The following KIF1B variants were observed in gnomAD, a reference collection of about 807,000 sequenced individuals.
The protein encoded by KIF1B is kinesin family member 1B.
Under a neutral mutation model 241.9 loss-of-function variants are expected in KIF1B, and 76 were observed. That is an observed-to-expected ratio of 0.31 (90% CI 0.26 to 0.38). The LOEUF is 0.38. KIF1B is among the 10% of genes least tolerant of loss of function. KIF1B has a pLI of 1.00. For synonymous variants in KIF1B, 750 were observed against 796.7 expected (o/e 0.94, Z 0.99); for missense variants, 1,622 against 2,271.4 (o/e 0.71, Z 5.81).
chr1:10,295,190 A>G (rs1196673532), intron 18 of KIF1B, 25 bp downstream of exon 18: 2 of 1,388,354 alleles, frequency 1.4e-6, no homozygotes, highest in East Asian at 2.3e-5. Flanking sequence ...TGTTTTGGTC[A>G]CTTCGTGTGT....
In KIF1B at chr1:10,347,775, T is replaced by C. The variant is rs756516917; in HGVS notation, c.3812T>C (p.Val1271Ala). The part of the protein sequence containing the change: ...LEPTGEYIPA[V>A]VDHTAGLPCQ... ...CTATTTTTTAGGTATATCCCAGCTG[T>C]GGTTGACCACACAGCAGGCTTGCCT... The change falls in exon 36 of 49, where the codon GTG becomes GCG. Residue 1271 changes from valine to alanine, a missense_variant. Physicochemically the swap from Val to Ala is moderately conservative, Grantham distance 64 (BLOSUM62 0). Around this residue, in one of 7 missense-constraint regions of KIF1B, gnomAD observed 803 missense variants for 1,112.0 expected, o/e 0.72. Transcript: ENST00000676179. 6 of 1,613,262 alleles carry C rather than the reference T, an allele frequency of 3.7e-6. No individual in the cohort carries two copies. In the South Asian group the frequency reaches 6.6e-5, roughly 18 times the overall value.
chr1:10,239,013 A>G (rs938136619), intron 2 of KIF1B, among the ~76,000 whole-genome samples: 1 of 151,748 alleles, frequency 6.6e-6, no homozygotes, highest in Admixed American at 6.6e-5. Flanking sequence ...CCGTGGTGCA[A>G]TCTTGGCTCA....
chr1:10,376,421 A>G, intron 48 of KIF1B, 124 bp from the exon 49 acceptor site: 1 of 910,984 alleles, frequency 1.1e-6, no homozygotes. Context: ...GACGGCTTAG[A>G]GGACTAGGCC....
chr1:10,336,472 C>G lies in KIF1B; in HGVS notation c.3044-185C>G, dbSNP rs1288086645. On this transcript the variant is annotated intron_variant, in intron 28 of 48. Coordinates refer to ENST00000676179, the MANE Select transcript of KIF1B (RefSeq NM_001365951.3). ...TGAAACCGATTCTTTATTGACTAGT[C>G]TCATTTGAGCTGAGGAAGTTGATAA... is the stretch of plus-strand genomic sequence containing the variant. Among the ~76,000 whole-genome samples, 11 of 152,170 alleles carry G rather than the reference C, an allele frequency of 7.2e-5. 1 individual carries two copies. The highest frequency in any genetic ancestry group is 1.5e-4 in the Non-Finnish European group (10 of 68,020).
intron 2 of KIF1B, among the ~76,000 whole-genome samples, chr1:10,246,286 T>C (rs1281459481): frequency 6.6e-6 from 1 of 152,226 alleles, no homozygotes; most frequent in Non-Finnish European, 1.5e-5. Context: ...GTTTTTCTCA[T>C]AGGCCACATA....
At chr1:10,311,716 T>G (rs1406777468) in intron 22 of KIF1B, among the ~76,000 whole-genome samples, 1 of 151,338 alleles carries the variant, frequency 6.6e-6, no homozygotes, top group Admixed American at 6.6e-5. Flanking sequence ...ATGGGACACT[T>G]TCTTCTCTTG....
chr1:10,349,085 A>G (rs941310369), intron 37 of KIF1B, among the ~76,000 whole-genome samples: 1 of 152,194 alleles, frequency 6.6e-6, no homozygotes, highest in Non-Finnish European at 1.5e-5. Context: ...ATGTTATCCA[A>G]CTAACTAACT....
At chr1:10,229,111 AG>A (rs2102121804) in intron 1 of KIF1B, among the ~76,000 whole-genome samples, 2 of 152,324 alleles carry the variant, frequency 1.3e-5, no homozygotes, top group South Asian at 4.1e-4. Context: ...CTCTTGGCAT[AG>A]TACTCAACTA....
intron 1 of KIF1B, among the ~76,000 whole-genome samples, chr1:10,223,546 GTTTTTTT>G (rs113574017): frequency 7.6e-6 from 1 of 131,250 alleles, no homozygotes; most frequent in African/African-American, 3.0e-5. Context: ...GTTTTGTTTT[GTTTTTTT>G]TTTTTTTTTT....
In KIF1B at chr1:10,376,399, G is replaced by A. The variant is rs536517520; in HGVS notation, c.5409-146G>A. On this transcript the variant is annotated intron_variant, in intron 48 of 48. Transcript: ENST00000676179. Reference sequence around the variant, plus strand: ...CACGTTCTGAGGGCTTGTGTCACAGGGTCCCGGAGTAGACGGCTTAGAGGA... The same window carrying A: ...CACGTTCTGAGGGCTTGTGTCACAGAGTCCCGGAGTAGACGGCTTAGAGGA... 9 of 790,466 alleles carry A rather than the reference G, an allele frequency of 1.1e-5. No individual in the cohort carries two copies. In the Admixed American group the frequency reaches 1.6e-4, roughly 14 times the overall value. 49.0% of individuals were successfully genotyped at this position (790,466 alleles called of 1,614,324 possible). A position where few individuals can be genotyped will look rare whatever the true frequency, so the allele number is the denominator to read the frequency against.
chr1:10,250,964 C>G (rs1390845908), intron 2 of KIF1B, among the ~76,000 whole-genome samples: 2 of 152,018 alleles, frequency 1.3e-5, no homozygotes, highest in Non-Finnish European at 2.9e-5. Flanking sequence ...GGATCCTGTT[C>G]AAGGCCAGCC....
chr1:10,287,658 C>G (rs1387698637), intron 15 of KIF1B, among the ~76,000 whole-genome samples: 1 of 152,150 alleles, frequency 6.6e-6, no homozygotes, highest in Non-Finnish European at 1.5e-5. Flanking sequence ...AGATCATGTT[C>G]TGATTTACCC....
At chr1:10,296,432 C>T in intron 19 of KIF1B, 150 bp from the exon 20 acceptor site, 1 of 687,350 alleles carries the variant, frequency 1.5e-6, no homozygotes, top group South Asian at 1.5e-5. Context: ...TCTGGTACCC[C>T]AAAATGAACT....
In KIF1B at chr1:10,307,203, G is replaced by A. The variant is rs1650872426; in HGVS notation, c.2115+9957G>A. On this transcript the variant is annotated intron_variant, in intron 22 of 48. Coordinates refer to ENST00000676179, the MANE Select transcript of KIF1B (RefSeq NM_001365951.3). ...TTTCTGAGCAAATGCTTATCCTAGA[G>A]AATAACTCTGTATGAATAAAATTGC... 9.7e-6 allele frequency: 10 copies of A among 1,028,858 alleles called. No individual in the cohort carries two copies. In the South Asian group the frequency reaches 2.8e-4, roughly 28 times the overall value. 63.7% of individuals were successfully genotyped at this position (1,028,858 alleles called of 1,614,324 possible).
rs764423744 is a variant in KIF1B at position 10,376,612 on chromosome 1, C to T, written c.*25C>T. On this transcript the variant is annotated 3_prime_UTR_variant, in exon 49 of 49. Transcript: ENST00000676179. ...AGTGACTCTGCCGAGTGCCCTCACT[C>T]GCCTTCGAGAGATAAAGAAAGCGTT... 78 of 1,610,628 alleles carry T rather than the reference C, an allele frequency of 4.8e-5. No individual in the cohort carries two copies. The Admixed American group carries it at 8.0e-4, about 17-fold the overall frequency.
At chr1:10,339,644 ATAACT>A (rs754888673) in intron 31 of KIF1B, 120 bp from the exon 32 acceptor site, 314 of 800,462 alleles carry the variant, frequency 3.9e-4, no homozygotes, top group Middle Eastern at 2.1e-3. Context: ...AGGAAAGTAA[ATAACT>A]TAAAGAATCT....
chr1:10,304,890 T>G (rs1368345385), intron 22 of KIF1B: 1 of 1,364,390 alleles, frequency 7.3e-7, no homozygotes, highest in Non-Finnish European at 9.4e-7. Context: ...TCTGAAACGT[T>G]CCTCCTTTTT....
At chr1:10,363,545 T>C (rs1638482734) in intron 41 of KIF1B, among the ~76,000 whole-genome samples, 1 of 151,982 alleles carries the variant, frequency 6.6e-6, no homozygotes, top group Non-Finnish European at 1.5e-5. Context: ...ATACAAAAAT[T>C]AGCCAGGTGT....
At chr1:10,272,891 A>G (rs531633373) in intron 9 of KIF1B, 123 bp from the exon 10 acceptor site, 78 of 762,240 alleles carry the variant, frequency 1.0e-4, no homozygotes, top group Admixed American at 2.6e-4. Context: ...GAAGAATGAA[A>G]TGCTTTCTTG....
Sources: gnomAD v4.1 joint callset for allele counts (sites outside exome capture counted in the v4.1 genomes callset) on GRCh38, gnomAD v4.1.1 for gene constraint, gnomAD v4.1.1 regional missense constraint, MANE v1.5 for transcripts, NCBI Gene and HGNC (gene_info 2026-07-23, HGNC 2026-07-21) for gene names.